ANTXR1: variants seen among roughly 807,000 people sequenced by gnomAD.
ANTXR1 encodes anthrax toxin receptor 1.
A neutral mutation model predicts 78.1 loss-of-function variants in ANTXR1; 19 were observed. The ratio of observed to expected loss-of-function variants is 0.24; its 90% CI spans 0.17 to 0.36. The LOEUF (loss-of-function observed/expected upper bound fraction) is 0.36. Among genes scored for constraint, ANTXR1 ranks in the 10% least tolerant of loss-of-function variants. The pLI is 1.00. For synonymous variants in ANTXR1, 273 were observed against 260.5 expected (o/e 1.05, Z -0.46); for missense variants, 518 against 718.6 (o/e 0.72, Z 3.19).
chr2:69,108,385 C>A (rs937634116), intron 10 of ANTXR1, among the ~76,000 whole-genome samples: 2 of 152,218 alleles, frequency 1.3e-5, no homozygotes, highest in Middle Eastern at 3.4e-3. Flanking sequence ...TTGCTTATAA[C>A]AATCAGTAGC....
At chr2:69,191,731 G>A (rs997911116) in intron 16 of ANTXR1, among the ~76,000 whole-genome samples, 16 of 152,220 alleles carry the variant, frequency 1.1e-4, no homozygotes, top group African/African-American at 3.6e-4. Flanking sequence ...GAAACCCTAT[G>A]TTCTAAAGGA....
intron 3 of ANTXR1, among the ~76,000 whole-genome samples, chr2:69,067,453 T>C (rs1670432938): frequency 6.6e-6 from 1 of 151,368 alleles, no homozygotes; most frequent in African/African-American, 2.4e-5. Flanking sequence ...GCCTTTTTTT[T>C]TTTTTTTTTT....
chr2:69,203,654 C>T lies in ANTXR1; in HGVS notation c.1434+10239C>T, dbSNP rs560856192. On this transcript the variant is annotated intron_variant, in intron 17 of 17. Transcript: ENST00000303714. ...TCTTCCTCTCCCTCTCTCTTTCCCC[C>T]TCCCTCTCCCTCTCTTCCAATCCTC... 1.1e-4 allele frequency among the ~76,000 whole-genome samples: 16 copies of T among 152,102 alleles called. No individual in the cohort carries two copies. The South Asian group carries it at 3.3e-3, about 32-fold the overall frequency.
intron 3 of ANTXR1, among the ~76,000 whole-genome samples, chr2:69,067,886 A>G (rs951324277): frequency 1.3e-5 from 2 of 152,074 alleles, no homozygotes; most frequent in South Asian, 2.1e-4. Context: ...CTTTCTCATT[A>G]CCAAACAACA....
chr2:69,158,873 C>G lies in ANTXR1; in HGVS notation c.1047+6609C>G, dbSNP rs117700504. Among the ~76,000 whole-genome samples the G allele has an allele frequency of 1.2e-3, 184 of 152,314 alleles. 2 individuals carry two copies. The East Asian group carries it at 0.023, about 19-fold the overall frequency. ...GGGTTTAATCTGGACATAGTCCCAT[C>G]ATACATCGAGGAGAATCTGTACCAT... is the stretch of plus-strand genomic sequence containing the variant. On this transcript the variant is annotated intron_variant, in intron 13 of 17. Transcript: ENST00000303714.
At chr2:69,183,927 T>C (rs771576592) in intron 16 of ANTXR1, among the ~76,000 whole-genome samples, 12 of 152,048 alleles carry the variant, frequency 7.9e-5, no homozygotes, top group Non-Finnish European at 1.2e-4. Flanking sequence ...TCTGCTGAGG[T>C]CTGGAAAACA....
rs373027893 is a variant in ANTXR1 at position 69,065,049 on chromosome 2, TAGA to T, written c.297-5591_297-5589del. 2.7e-3 allele frequency among the ~76,000 whole-genome samples: 415 copies of T among 152,062 alleles called. 2 individuals carry two copies. The highest frequency in any genetic ancestry group is 9.6e-3 in the African/African-American group (397 of 41,504). On this transcript the variant is annotated intron_variant, in intron 3 of 17. Coordinates refer to ENST00000303714, the MANE Select transcript of ANTXR1 (RefSeq NM_032208.3). ...AATAAAATTGAAAATAGACATATAA[TAGA>T]AGAAGACAAATAATACAGAAAATCA... is the stretch of plus-strand genomic sequence containing the variant.
chr2:69,159,960 C>T (rs1175164580), intron 13 of ANTXR1, among the ~76,000 whole-genome samples: 1 of 152,176 alleles, frequency 6.6e-6, no homozygotes, highest in Non-Finnish European at 1.5e-5. Flanking sequence ...TTAAGAATAA[C>T]ATTTAATTTG....
At chr2:69,224,690 C>G (rs560123521) in intron 17 of ANTXR1, among the ~76,000 whole-genome samples, 103 of 152,246 alleles carry the variant, frequency 6.8e-4, no homozygotes, top group Middle Eastern at 6.8e-3. Flanking sequence ...TACAGCTGCT[C>G]TTCCATCCCC....
chr2:69,062,670 T>C (rs973669313), intron 3 of ANTXR1, among the ~76,000 whole-genome samples: 2 of 152,162 alleles, frequency 1.3e-5, no homozygotes, highest in African/African-American at 4.8e-5. Context: ...ACTCAGTGAC[T>C]GAAATGTAAA....
At chr2:69,205,655 C>T (rs1350233706) in intron 17 of ANTXR1, among the ~76,000 whole-genome samples, 5 of 148,984 alleles carry the variant, frequency 3.4e-5, no homozygotes, top group Admixed American at 2.7e-4. Context: ...GTTTCCTTGT[C>T]CCAGGGAGTA....
intron 3 of ANTXR1, among the ~76,000 whole-genome samples, chr2:69,047,400 T>C (rs1437540333): frequency 6.6e-6 from 1 of 152,168 alleles, no homozygotes; most frequent in Non-Finnish European, 1.5e-5. Flanking sequence ...TATCCTCATA[T>C]AACCATTGTT....
chr2:69,055,228 C>T (rs1275380903), intron 3 of ANTXR1, among the ~76,000 whole-genome samples: 1 of 152,208 alleles, frequency 6.6e-6, no homozygotes, highest in Admixed American at 6.5e-5. Flanking sequence ...GAGTCCCCAG[C>T]TCCCCTTGGC....
At chr2:69,089,693 A>G (rs1671165824) in intron 8 of ANTXR1, among the ~76,000 whole-genome samples, 1 of 152,222 alleles carries the variant, frequency 6.6e-6, no homozygotes, top group African/African-American at 2.4e-5. Flanking sequence ...GCGTTTCCCA[A>G]TGCTAAAAGA....
intron 10 of ANTXR1, among the ~76,000 whole-genome samples, chr2:69,113,096 G>T (rs896521148): frequency 1.3e-5 from 2 of 152,154 alleles, no homozygotes; most frequent in African/African-American, 4.8e-5. Context: ...CGTGAAAATC[G>T]TGAGCTCCAC....
chr2:69,108,197 CAA>C (rs2104335849), intron 10 of ANTXR1, among the ~76,000 whole-genome samples: 1 of 152,120 alleles, frequency 6.6e-6, no homozygotes, highest in East Asian at 1.9e-4. Context: ...CCATATTAGA[CAA>C]TGCCATGAAC....
intron 17 of ANTXR1, among the ~76,000 whole-genome samples, chr2:69,240,467 C>A (rs985829241): frequency 6.6e-6 from 1 of 152,184 alleles, no homozygotes; most frequent in South Asian, 2.1e-4. Context: ...TAAGCACGCA[C>A]CAGATCCCAA....
intron 12 of ANTXR1, among the ~76,000 whole-genome samples, chr2:69,142,581 GTGTCCA>G (rs1558594171): frequency 6.6e-6 from 1 of 152,188 alleles, no homozygotes; most frequent in Admixed American, 6.5e-5. Flanking sequence ...TGGCAAAACC[GTGTCCA>G]TTTTATGCTC....
intron 12 of ANTXR1, chr2:69,145,332 C>T (rs755244321): frequency 1.9e-6 from 3 of 1,595,926 alleles, no homozygotes; most frequent in South Asian, 1.1e-5. Context: ...AAAGAGCCTC[C>T]ACAAAATTGC....
Sources: allele counts gnomAD v4.1 joint callset (sites outside exome capture counted in the v4.1 genomes callset), GRCh38; gene constraint gnomAD v4.1.1; transcripts MANE v1.5; gene names NCBI Gene and HGNC (gene_info 2026-07-23, HGNC 2026-07-21).